The following CPQ variants were observed in gnomAD, a reference collection of about 807,000 sequenced individuals.
CPQ encodes the protein carboxypeptidase Q.
A neutral mutation model predicts 45.7 loss-of-function variants in CPQ; 37 were observed. The ratio of observed to expected loss-of-function variants is 0.81; its 90% CI spans 0.62 to 1.07. The LOEUF (loss-of-function observed/expected upper bound fraction) is 1.07. Ranked by LOEUF, CPQ falls within the 50% of genes least tolerant of loss-of-function variation. CPQ has a pLI of 0.00. For missense variants in CPQ, 537 were observed against 572.9 expected (o/e 0.94, Z 0.64); for synonymous variants, 186 against 205.8 (o/e 0.90, Z 0.82).
At chr8:96,716,298 T>C (rs1052800582) in intron 1 of CPQ, among the ~76,000 whole-genome samples, 8 of 152,166 alleles carry the variant, frequency 5.3e-5, no homozygotes, top group Admixed American at 5.2e-4. Flanking sequence ...TGAGCAAATA[T>C]ACAGATTTAT....
intron 1 of CPQ, among the ~76,000 whole-genome samples, chr8:96,721,438 G>T (rs1809762730): frequency 6.6e-6 from 1 of 152,032 alleles, no homozygotes; most frequent in South Asian, 2.1e-4. Context: ...TTTATGGAGG[G>T]ACAGTACACC....
At chr8:97,031,477 T>C (rs752605148) in intron 6 of CPQ, among the ~76,000 whole-genome samples, 5 of 152,184 alleles carry the variant, frequency 3.3e-5, no homozygotes, top group South Asian at 2.1e-4. Context: ...TGAGCCACCG[T>C]GCCCTCTTTT....
chr8:96,994,722 G>T (rs1297353221), intron 5 of CPQ, among the ~76,000 whole-genome samples: 2 of 152,038 alleles, frequency 1.3e-5, no homozygotes, highest in East Asian at 3.9e-4. Flanking sequence ...GTCTGGGACA[G>T]TCCCAATTTA....
At chr8:96,788,870 T>A (rs925436089) in intron 2 of CPQ, among the ~76,000 whole-genome samples, 2 of 152,132 alleles carry the variant, frequency 1.3e-5, no homozygotes, top group African/African-American at 4.8e-5. Context: ...CAATCTGTCA[T>A]CAAGCTTACT....
intron 2 of CPQ, among the ~76,000 whole-genome samples, chr8:96,812,856 T>A (rs563102666): frequency 6.6e-6 from 1 of 152,060 alleles, no homozygotes; most frequent in South Asian, 2.1e-4. Flanking sequence ...TCTGACCACA[T>A]GTTGTTTCTT....
intron 7 of CPQ, among the ~76,000 whole-genome samples, chr8:97,094,547 C>T (rs1180282651): frequency 6.6e-6 from 1 of 152,086 alleles, no homozygotes; most frequent in African/African-American, 2.4e-5. Context: ...CTCAGCAAAC[C>T]AGCCCACTCT....
At chr8:97,050,045 G>A (rs1223894031) in intron 6 of CPQ, among the ~76,000 whole-genome samples, 1 of 152,010 alleles carries the variant, frequency 6.6e-6, no homozygotes, top group South Asian at 2.1e-4. Context: ...AAACTCTAAG[G>A]GAGCTTTTGG....
intron 7 of CPQ, among the ~76,000 whole-genome samples, chr8:97,067,814 T>C (rs186656035): frequency 3.3e-4 from 50 of 152,336 alleles, no homozygotes; most frequent in South Asian, 4.1e-4. Context: ...GATCCAATAC[T>C]ATCTACATAT....
intron 5 of CPQ, among the ~76,000 whole-genome samples, chr8:96,993,445 C>A (rs1225478436): frequency 6.6e-6 from 1 of 151,944 alleles, no homozygotes; most frequent in Non-Finnish European, 1.5e-5. Context: ...GGTGGTAGTT[C>A]CATATTTCTG....
At chr8:96,844,337 A>C (rs1811656437) in intron 3 of CPQ, among the ~76,000 whole-genome samples, 1 of 152,134 alleles carries the variant, frequency 6.6e-6, no homozygotes, top group Non-Finnish European at 1.5e-5. Context: ...GTCCTCTTGC[A>C]TCCATCCAAA....
At chr8:96,997,683 T>C (rs1809199930) in intron 5 of CPQ, among the ~76,000 whole-genome samples, 1 of 152,002 alleles carries the variant, frequency 6.6e-6, no homozygotes, top group Admixed American at 6.6e-5. Flanking sequence ...TGAAAAAGTA[T>C]ACTTTTGGAA....
At chr8:96,890,628 A>G (rs1449287647) in intron 4 of CPQ, among the ~76,000 whole-genome samples, 1 of 152,218 alleles carries the variant, frequency 6.6e-6, no homozygotes, top group African/African-American at 2.4e-5. Context: ...AATCCGGATC[A>G]GTTGCCCCGG....
chr8:97,064,605 G>T (rs2130525963), intron 6 of CPQ, among the ~76,000 whole-genome samples: 1 of 152,154 alleles, frequency 6.6e-6, no homozygotes, highest in East Asian at 1.9e-4. Context: ...AAAAAATATT[G>T]GTGTCCCAGG....
intron 2 of CPQ, among the ~76,000 whole-genome samples, chr8:96,800,999 A>G (rs1369727486): frequency 4.1e-5 from 6 of 146,482 alleles, no homozygotes; most frequent in Non-Finnish European, 7.5e-5. Flanking sequence ...TTTTTGAGAC[A>G]GGGTCTCACT....
chr8:96,650,563 TCA>T (rs1438332124), intron 1 of CPQ, among the ~76,000 whole-genome samples: 2 of 152,244 alleles, frequency 1.3e-5, no homozygotes, highest in East Asian at 3.8e-4. Context: ...TGGCAGGGAC[TCA>T]GAGCCTTCTG....
intron 2 of CPQ, among the ~76,000 whole-genome samples, chr8:96,832,639 A>G (rs1028036914): frequency 6.6e-6 from 1 of 152,164 alleles, no homozygotes; most frequent in South Asian, 2.1e-4. Flanking sequence ...ATGTTACAGG[A>G]GACAAGAGGC....
At chr8:96,995,598 C>T (rs560643762) in intron 5 of CPQ, among the ~76,000 whole-genome samples, 1 of 150,320 alleles carries the variant, frequency 6.7e-6, no homozygotes, top group South Asian at 2.1e-4. Context: ...CTGATAGCAG[C>T]TGAATAGTTA....
At chr8:96,779,798 A>AAATTGC (rs1810664169) in intron 1 of CPQ, among the ~76,000 whole-genome samples, 1 of 152,164 alleles carries the variant, frequency 6.6e-6, no homozygotes, top group South Asian at 2.1e-4. Context: ...TTTCAAGAAT[A>AAATTGC]AATTGCAATC....
chr8:96,766,461 C>G (rs377034121), intron 1 of CPQ, among the ~76,000 whole-genome samples: 1 of 152,112 alleles, frequency 6.6e-6, no homozygotes, highest in African/African-American at 2.4e-5. Context: ...GTGGCTGGCC[C>G]TCTGAGCAAC....
Sources: allele counts gnomAD v4.1 joint callset (sites outside exome capture counted in the v4.1 genomes callset), GRCh38; gene constraint gnomAD v4.1.1; transcripts MANE v1.5; gene names NCBI Gene and HGNC (gene_info 2026-07-23, HGNC 2026-07-21).